The following TTC13 variants were observed in gnomAD, a reference collection of about 807,000 sequenced individuals.
TTC13 encodes tetratricopeptide repeat domain 13.
In TTC13, 62 loss-of-function variants were observed where a neutral mutation model predicts 120.0. The ratio of observed to expected loss-of-function variants is 0.52; its 90% confidence interval spans 0.42 to 0.64. The LOEUF (loss-of-function observed/expected upper bound fraction) is 0.64. TTC13 is among the 30% of genes least tolerant of loss of function. The pLI is 0.00. For missense variants in TTC13, 824 were observed against 1,050.2 expected, an observed-to-expected ratio of 0.78 and a Z score of 2.98; for synonymous variants, 384 against 393.5, an observed-to-expected ratio of 0.98 and a Z score of 0.28.
At chr1:230,943,530 A>G (rs1674710605) in intron 6 of TTC13, among the ~76,000 whole-genome samples, 1 of 152,096 alleles carries the variant, frequency 6.6e-6, no homozygotes, top group Admixed American at 6.5e-5. Context: ...TTTTCAATGA[A>G]TATCTATAGA....
In TTC13 at chr1:230,978,592, T is replaced by G. The variant is rs1678627784; in HGVS notation, c.239A>C (p.Asp80Ala). ...CTCGGCAGAGTACTGGTCCCCCCAG[T>G]CCCCGGACTGCGGGCTGCAGCCGCC... Reference protein sequence around the residue: ...GGGGCSPQSGDWGDQYSAECG... With the variant: ...GGGGCSPQSGAWGDQYSAECG... Residue 80 changes from aspartate (D) to alanine (A), a missense_variant, in exon 1 of 23, where the codon GAC (aspartate) becomes GCC (alanine). Transcript: ENST00000366661. This position sits in a 1 kb window ranked among gnomAD's most constrained non-coding sequence, Gnocchi z 5.6. 2 of 1,388,018 alleles carry G rather than the reference T, an allele frequency of 1.4e-6. No individual in the cohort carries two copies. The highest frequency in any genetic ancestry group is 5.1e-5 in the Admixed American group (2 of 39,454). 86.0% of individuals were successfully genotyped at this position (1,388,018 alleles called of 1,614,324 possible).
chr1:230,911,712 T>C (rs1049764969), intron 19 of TTC13, among the ~76,000 whole-genome samples, 163 bp from the exon 20 acceptor site: 4 of 152,210 alleles, frequency 2.6e-5, no homozygotes, highest in Admixed American at 6.5e-5. Flanking sequence ...TATACCCTTT[T>C]GTATCATTTT....
intron 1 of TTC13, among the ~76,000 whole-genome samples, chr1:230,968,526 C>T (rs1351348091): frequency 2.0e-5 from 3 of 152,072 alleles, no homozygotes; most frequent in Admixed American, 6.5e-5. Context: ...AAGCAGGAGG[C>T]GACATCACTA....
At chr1:230,932,056 C>T (rs541271919) in intron 9 of TTC13, among the ~76,000 whole-genome samples, 179 bp from the exon 10 acceptor site, 3 of 152,282 alleles carry the variant, frequency 2.0e-5, no homozygotes, top group African/African-American at 7.2e-5. Context: ...ATCTCACCAG[C>T]TCATAGGATA....
chr1:230,959,217 G>A (rs1676390457), intron 2 of TTC13, among the ~76,000 whole-genome samples: 1 of 152,134 alleles, frequency 6.6e-6, no homozygotes, highest in Non-Finnish European at 1.5e-5. Context: ...CATTTGCCAA[G>A]CCTTTCTGCA....
chr1:230,919,182 T>C (rs1455987578), intron 17 of TTC13, among the ~76,000 whole-genome samples: 1 of 152,096 alleles, frequency 6.6e-6, no homozygotes, highest in African/African-American at 2.4e-5. Context: ...TATCTAGCTT[T>C]TTGTTTGTTT....
intron 17 of TTC13, chr1:230,920,192 A>G (rs1672446280): frequency 4.8e-6 from 1 of 207,716 alleles, no homozygotes; most frequent in African/African-American, 2.4e-5. Flanking sequence ...GCCTGAAAAT[A>G]ACTAACTTTT....
rs1465352374 is a variant in TTC13 at position 230,940,587 on chromosome 1, A to C, written c.673-31T>G. 2 of 1,421,824 alleles carry C rather than the reference A, an allele frequency of 1.4e-6. No homozygotes were observed. The highest frequency in any genetic ancestry group is 2.0e-6 in the Non-Finnish European group (2 of 1,008,064). 88.1% of individuals were successfully genotyped at this position (1,421,824 alleles called of 1,614,324 possible). On this transcript the variant is annotated intron_variant, in intron 6 of 22. Coordinates refer to ENST00000366661, the MANE Select transcript of TTC13 (RefSeq NM_024525.5). The surrounding 1 kb of genome is among the most constrained non-coding windows in gnomAD (Gnocchi z 4.1). ...AATCCCAAACATGTAATCAGGAAGA[A>C]TACCAATGACCAACCCTAAAATCCC...
chr1:230,962,576 CA>C (rs1203085328), intron 1 of TTC13, among the ~76,000 whole-genome samples: 1 of 152,130 alleles, frequency 6.6e-6, no homozygotes, highest in Non-Finnish European at 1.5e-5. Context: ...TATGATGCAG[CA>C]ATTCTTCTCC....
intron 15 of TTC13, among the ~76,000 whole-genome samples, chr1:230,923,630 G>C (rs1672791764): frequency 6.6e-6 from 1 of 151,790 alleles, no homozygotes. Flanking sequence ...GAAGGGCCTG[G>C]GGAAGGAGTA....
At chr1:230,959,867 T>C (rs1465238086) in intron 2 of TTC13, among the ~76,000 whole-genome samples, 3 of 152,264 alleles carry the variant, frequency 2.0e-5, no homozygotes, top group African/African-American at 7.2e-5. Flanking sequence ...TCCTGAAAGC[T>C]GTATTGCCTG....
intron 1 of TTC13, among the ~76,000 whole-genome samples, chr1:230,976,902 T>G (rs1016561278): frequency 9.2e-5 from 14 of 152,332 alleles, no homozygotes; most frequent in African/African-American, 3.4e-4. Context: ...ACATACCTTC[T>G]ACTGTCTAAA....
In TTC13 at chr1:230,962,883, G is replaced by A. The variant is rs373500980; in HGVS notation, c.272-1580C>T. Among the ~76,000 whole-genome samples the A allele has an allele frequency of 7.7e-4, 117 of 152,298 alleles. 1 individual carries two copies. Among genetic ancestry groups the A allele is most frequent in the African/African-American group, 2.6e-3 (109 of 41,564 alleles). ...CCATCTATATGAAATGTCCAGAATAGGTGAATCCATAGAGACAAAATGCAG... is the reference window on the plus strand; with the variant it reads ...CCATCTATATGAAATGTCCAGAATAAGTGAATCCATAGAGACAAAATGCAG... On this transcript the variant is annotated intron_variant, in intron 1 of 22. Transcript: ENST00000366661.
Position 230,938,205 on chromosome 1 carries a change from C to A in TTC13, c.900+1181G>T, listed in dbSNP as rs997578472. Among the ~76,000 whole-genome samples the A allele has an allele frequency of 5.9e-5, 9 of 152,238 alleles. 1 individual carries two copies. The highest frequency in any genetic ancestry group is 4.1e-4 in the South Asian group (2 of 4,828). On this transcript the variant is annotated intron_variant, in intron 8 of 22. Coordinates refer to ENST00000366661, the MANE Select transcript of TTC13 (RefSeq NM_024525.5). ...TCTTGTTAAGTACCACCTTCTGGGG[C>A]TCCTGTCAGAATGAATTGCTTTTTG... is the stretch of plus-strand genomic sequence containing the variant.
intron 1 of TTC13, among the ~76,000 whole-genome samples, chr1:230,966,852 A>C (rs1572290727): frequency 6.6e-6 from 1 of 152,174 alleles, no homozygotes; most frequent in Admixed American, 6.5e-5. Flanking sequence ...GCTACCCTCT[A>C]GCAAAGCAGT....
At chr1:230,975,265 T>C (rs1572317272) in intron 1 of TTC13, among the ~76,000 whole-genome samples, 1 of 151,398 alleles carries the variant, frequency 6.6e-6, no homozygotes, top group African/African-American at 2.4e-5. Flanking sequence ...TCCTAGCTAC[T>C]TGGGAAGCTG....
Position 230,907,559 on chromosome 1 carries a change from C to T in TTC13, c.2469-540G>A, listed in dbSNP as rs567637066. Among the ~76,000 whole-genome samples, 7 of 152,366 alleles carry T rather than the reference C, an allele frequency of 4.6e-5. No homozygotes were observed. In the South Asian group the frequency reaches 1.0e-3, roughly 23 times the overall value. ...CAATTATGTAAGAATAGAAGCAAGA[C>T]CTTCGGCCTGGTGGTTGTATTACTA... On this transcript the variant is annotated intron_variant, in intron 22 of 22. Transcript: ENST00000366661.
chr1:230,926,600 C>T (rs1354356166), intron 12 of TTC13, among the ~76,000 whole-genome samples: 1 of 152,068 alleles, frequency 6.6e-6, no homozygotes, highest in African/African-American at 2.4e-5. Flanking sequence ...TCCCAGATAC[C>T]AACCAAGGGT....
chr1:230,959,264 C>CA (rs1332099070), intron 2 of TTC13, among the ~76,000 whole-genome samples: 3 of 151,876 alleles, frequency 2.0e-5, no homozygotes, highest in Non-Finnish European at 4.4e-5. Context: ...TGAAATTCTA[C>CA]AAAAAGAAGA....
Sources: allele counts gnomAD v4.1 joint callset (sites outside exome capture counted in the v4.1 genomes callset), GRCh38; gene constraint gnomAD v4.1.1; non-coding constraint Gnocchi (gnomAD v3.1); transcripts MANE v1.5; gene names NCBI Gene and HGNC (gene_info 2026-07-23, HGNC 2026-07-21).